Variants in PPM1B observed in about 807,000 individuals in gnomAD.
PPM1B encodes the protein protein phosphatase 1B.
A neutral mutation model predicts 43.0 loss-of-function variants in PPM1B; 22 were observed. The observed-to-expected ratio is 0.51, with a 90% confidence interval of 0.37 to 0.73. The LOEUF is 0.73. Ranked by LOEUF, PPM1B falls within the 30% of genes least tolerant of loss-of-function variation. The probability of loss-of-function intolerance (pLI) is 0.00; values close to 1 mark genes in which losing one functional copy is unlikely to be tolerated. For missense variants in PPM1B, 632 were observed against 584.2 expected, an observed-to-expected ratio of 1.08 and a Z score of -0.84; for synonymous variants, 217 against 197.9, an observed-to-expected ratio of 1.10 and a Z score of -0.81.
chr2:44,191,363 G>A (rs1193789738), intron 1 of PPM1B, among the ~76,000 whole-genome samples: 1 of 152,016 alleles, frequency 6.6e-6, no homozygotes, highest in East Asian at 1.9e-4. Context: ...ACAGGTGCCC[G>A]CCACTATGCC....
rs1392504259 is a variant in PPM1B at position 44,230,647 on chromosome 2, G to C, written c.1369G>C (p.Glu457Gln). Residue 457 changes from glutamate to glutamine, a missense_variant, in exon 6 of 6, where the codon GAA (glutamate) becomes CAA (glutamine). Physicochemically the swap from Glu to Gln is conservative, Grantham distance 29. This residue lies in a region of PPM1B where 392 missense variants were observed against 302.7 expected (regional missense o/e 1.29). Coordinates refer to ENST00000282412, the MANE Select transcript of PPM1B (RefSeq NM_002706.6). ...VTMQESHTES[E>Q]SGLAELDSSN... is the part of the protein sequence containing the mutation. ...AATGCAGGAAAGCCATACTGAATCA[G>C]AAAGTGGTCTTGCTGAATTAGACAG... 6 of 1,614,170 alleles carry C rather than the reference G, an allele frequency of 3.7e-6. No homozygotes were observed. Among genetic ancestry groups the C allele is most frequent in the Non-Finnish European group, 5.1e-6 (6 of 1,180,012 alleles).
At chr2:44,175,021 G>A (rs143630068) in intron 1 of PPM1B, among the ~76,000 whole-genome samples, 4 of 152,240 alleles carry the variant, frequency 2.6e-5, no homozygotes, top group South Asian at 2.1e-4. Context: ...TTGGGAGGCC[G>A]AGGTGGGCGG....
chr2:44,211,880 G>T (rs1363747777), intron 3 of PPM1B, among the ~76,000 whole-genome samples: 1 of 151,516 alleles, frequency 6.6e-6, no homozygotes. Context: ...CTTCTGAGTA[G>T]CTGGGATTAC....
At chr2:44,220,806 T>G (rs115106063) in intron 5 of PPM1B, among the ~76,000 whole-genome samples, 1 of 152,366 alleles carries the variant, frequency 6.6e-6, no homozygotes, top group Non-Finnish European at 1.5e-5. Context: ...GAAAGTCAGC[T>G]TCTTAGAGAA....
downstream of PPM1B, chr2:44,231,569 C>T (rs1670470899): frequency 3.3e-6 from 2 of 613,060 alleles, no homozygotes; most frequent in Non-Finnish European, 4.1e-6. Flanking sequence ...ATTTATATAA[C>T]ATTTAGAACA....
chr2:44,202,041 A>G lies in PPM1B; in HGVS notation c.842A>G (p.His281Arg). Residue 281 changes from histidine (H) to arginine (R), a missense_variant, in exon 2 of 6, where the codon CAC (histidine) becomes CGC (arginine). His to Arg is a conservative substitution (Grantham distance 29). Coordinates refer to ENST00000282412, the MANE Select transcript of PPM1B (RefSeq NM_002706.6). ...VCNWVVDTCLHKGSRDNMSIV... is the reference protein window; with the variant it reads ...VCNWVVDTCLRKGSRDNMSIV... ...AATTGGGTAGTGGACACTTGTTTAC[A>G]CAAGGTATGTAAACTTTTTTGTCAT... 1.3e-6 allele frequency: 2 copies of G among 1,553,586 alleles called. No individual in the cohort carries two copies. The highest frequency in any genetic ancestry group is 1.7e-6 in the Non-Finnish European group (2 of 1,151,758).
At chr2:44,171,665 A>G (rs887516330) in intron 1 of PPM1B, among the ~76,000 whole-genome samples, 1 of 151,666 alleles carries the variant, frequency 6.6e-6, no homozygotes, top group Non-Finnish European at 1.5e-5. Flanking sequence ...CACCATCTCT[A>G]CTGAAAATAC....
intron 5 of PPM1B, chr2:44,229,920 A>G (rs2104273480): frequency 7.5e-7 from 1 of 1,329,476 alleles, no homozygotes; most frequent in South Asian, 1.5e-5. Flanking sequence ...TTTTATCCGT[A>G]AAAACTCTAA....
chr2:44,198,137 G>T (rs1017945191), intron 1 of PPM1B, among the ~76,000 whole-genome samples: 1 of 152,004 alleles, frequency 6.6e-6, no homozygotes, highest in South Asian at 2.1e-4. Context: ...GTATTTGGTC[G>T]TCTTTTCTTG....
chr2:44,172,883 G>C (rs1667413221), intron 1 of PPM1B, among the ~76,000 whole-genome samples: 1 of 152,236 alleles, frequency 6.6e-6, no homozygotes, highest in East Asian at 1.9e-4. Flanking sequence ...CTCCAGCCTG[G>C]ATGACAGAGT....
intron 1 of PPM1B, among the ~76,000 whole-genome samples, chr2:44,173,955 A>G (rs901701114): frequency 2.6e-5 from 4 of 152,210 alleles, no homozygotes; most frequent in Non-Finnish European, 5.9e-5. Context: ...AACAAAAATA[A>G]TAATACTCTT....
At chr2:44,198,369 C>T (rs148700920) in intron 1 of PPM1B, among the ~76,000 whole-genome samples, 488 of 152,192 alleles carry the variant, frequency 3.2e-3, no homozygotes, top group African/African-American at 0.011. Context: ...CCATGTTGAC[C>T]AGGCTGGTCT....
downstream of PPM1B, chr2:44,233,486 GTATT>G (rs750689558): frequency 4.6e-5 from 45 of 984,670 alleles, no homozygotes; most frequent in Middle Eastern, 1.6e-3. Context: ...GAAGAGTAAA[GTATT>G]TATCTGAAAG....
chr2:44,225,967 T>G (rs2104256096), intron 5 of PPM1B, among the ~76,000 whole-genome samples: 1 of 149,568 alleles, frequency 6.7e-6, no homozygotes, highest in Non-Finnish European at 1.5e-5. Flanking sequence ...TGGTTTGGTT[T>G]TAGTATGTCT....
At chr2:44,208,178 G>A (rs1024430155) in intron 2 of PPM1B, among the ~76,000 whole-genome samples, 2 of 151,922 alleles carry the variant, frequency 1.3e-5, no homozygotes, top group Non-Finnish European at 2.9e-5. Context: ...GTGAGCCACC[G>A]TGCCCAGTGT....
At chr2:44,174,688 C>T (rs1024115003) in intron 1 of PPM1B, among the ~76,000 whole-genome samples, 22 of 152,300 alleles carry the variant, frequency 1.4e-4, no homozygotes, top group Admixed American at 7.2e-4. Flanking sequence ...TGAAGGCTTG[C>T]GAAGCGCTTT....
chr2:44,230,355 A>T lies in PPM1B; in HGVS notation c.1135-58A>T, dbSNP rs1361531059. On this transcript the variant is annotated intron_variant, in intron 5 of 5. Coordinates refer to ENST00000282412, the MANE Select transcript of PPM1B (RefSeq NM_002706.6). ...AGTATTTTGCTGTAATGTGTTATGAAATACATGTGATATCCTAGTTTGTCT... is the reference window on the plus strand; with the variant it reads ...AGTATTTTGCTGTAATGTGTTATGATATACATGTGATATCCTAGTTTGTCT... The T allele has an allele frequency of 8.2e-6, 13 of 1,580,490 alleles. No individual in the cohort carries two copies. The East Asian group carries it at 2.9e-4, about 35-fold the overall frequency.
intron 2 of PPM1B, among the ~76,000 whole-genome samples, chr2:44,207,761 T>G (rs956321720): frequency 1.3e-5 from 2 of 151,968 alleles, no homozygotes; most frequent in Non-Finnish European, 1.5e-5. Context: ...TTTTGTGTTT[T>G]TTGAAGAGAC....
chr2:44,203,921 T>C (rs1294871407), intron 2 of PPM1B, among the ~76,000 whole-genome samples: 2 of 152,202 alleles, frequency 1.3e-5, no homozygotes, highest in Non-Finnish European at 2.9e-5. Context: ...TTTAAATATT[T>C]CTGGTGGTAT....
Sources: allele counts gnomAD v4.1 joint callset (sites outside exome capture counted in the v4.1 genomes callset), GRCh38; gene constraint gnomAD v4.1.1; regional missense constraint gnomAD v4.1.1; transcripts MANE v1.5; gene names NCBI Gene and HGNC (gene_info 2026-07-23, HGNC 2026-07-21).